ZFHX3: variants seen among roughly 807,000 people sequenced by gnomAD.
ZFHX3 encodes the protein zinc finger homeobox protein 3.
ZFHX3 carries 42 observed loss-of-function variants against 279.1 expected under a neutral mutation model. That is an observed-to-expected ratio of 0.15 (90% CI 0.12 to 0.19). The LOEUF (loss-of-function observed/expected upper bound fraction) is 0.19. Ranked by LOEUF, ZFHX3 falls within the 10% of genes least tolerant of loss-of-function variation. The pLI is 1.00. For missense variants in ZFHX3, 4,981 were observed against 4,754.0 expected (o/e 1.05, Z -1.40); for synonymous variants, 2,293 against 1,957.8 (o/e 1.17, Z -4.52).
chr16:73,291,403 G>A (rs1293951780), intron 4 of ZFHX3, among the ~76,000 whole-genome samples: 1 of 152,220 alleles, frequency 6.6e-6, no homozygotes, highest in Non-Finnish European at 1.5e-5. Context: ...TCTCTGGAAT[G>A]AAGGTTTATT....
chr16:73,077,555 GA>G (rs758871684), intron 8 of ZFHX3, among the ~76,000 whole-genome samples: 3,413 of 139,318 alleles, frequency 0.024, 49 homozygotes, highest in African/African-American at 0.041. Context: ...AATCTGCTTA[GA>G]AAAAAAAAAA....
chr16:73,301,555 T>C (rs766791765), intron 4 of ZFHX3, among the ~76,000 whole-genome samples: 1 of 152,174 alleles, frequency 6.6e-6, no homozygotes, highest in African/African-American at 2.4e-5. Context: ...AAATGTCCTC[T>C]GGACAGGGTT....
intron 3 of ZFHX3, among the ~76,000 whole-genome samples, chr16:73,330,897 G>T (rs79711809): frequency 6.6e-6 from 1 of 152,104 alleles, no homozygotes; most frequent in Non-Finnish European, 1.5e-5. Flanking sequence ...TTCTCTCCAT[G>T]ATGGCCTTGT....
intron 3 of ZFHX3, among the ~76,000 whole-genome samples, chr16:72,894,027 T>G (rs1251629587): frequency 1.3e-5 from 2 of 151,850 alleles, no homozygotes; most frequent in African/African-American, 4.8e-5. Flanking sequence ...TGGGTGCCTG[T>G]AGTCCCAGCT....
At chr16:72,790,232 T>G (rs1419646062) in intron 9 of ZFHX3, 1 of 152,568 alleles carries the variant, frequency 6.6e-6, no homozygotes, top group Non-Finnish European at 1.5e-5. Flanking sequence ...TGGGGTGCAG[T>G]GTGTGCTGGA....
intron 3 of ZFHX3, among the ~76,000 whole-genome samples, chr16:73,434,801 T>C (rs1171805184): frequency 4.6e-5 from 7 of 152,096 alleles, no homozygotes; most frequent in Admixed American, 2.6e-4. Flanking sequence ...GTCCTCTAAG[T>C]GGGTCTGACT....
intron 2 of ZFHX3, among the ~76,000 whole-genome samples, chr16:73,461,963 T>C (rs762517200): frequency 1.3e-5 from 2 of 152,218 alleles, no homozygotes; most frequent in Admixed American, 6.5e-5. Flanking sequence ...TTGAGGAAAA[T>C]TGACATCTTT....
At chr16:73,357,191 A>G (rs915896466) in intron 3 of ZFHX3, among the ~76,000 whole-genome samples, 1 of 152,016 alleles carries the variant, frequency 6.6e-6, no homozygotes, top group Non-Finnish European at 1.5e-5. Context: ...CTAAGAGAAT[A>G]GATCTTAATA....
chr16:73,467,958 C>G (rs528739556), intron 2 of ZFHX3, among the ~76,000 whole-genome samples: 109 of 152,282 alleles, frequency 7.2e-4, no homozygotes, highest in African/African-American at 2.6e-3. Flanking sequence ...TTTATCAGAG[C>G]TCTCCTAAAG....
intron 1 of ZFHX3, among the ~76,000 whole-genome samples, chr16:72,967,650 C>A (rs577045498): frequency 7.6e-4 from 115 of 152,108 alleles, no homozygotes; most frequent in Non-Finnish European, 1.0e-3. Flanking sequence ...GGAGCGGTGG[C>A]TCACGCCTGT....
intron 2 of ZFHX3, among the ~76,000 whole-genome samples, chr16:73,471,575 T>G (rs772838750): frequency 5.3e-5 from 8 of 152,074 alleles, no homozygotes; most frequent in Non-Finnish European, 7.4e-5. Flanking sequence ...CACCTGGCCA[T>G]GAATCTCTTT....
Position 72,787,149 on chromosome 16 carries a change from G to A in ZFHX3, c.*15C>T. The A allele has an allele frequency of 7.1e-7, 1 of 1,406,426 alleles. No individual in the cohort carries two copies. Among genetic ancestry groups the A allele is most frequent in the Non-Finnish European group, 9.3e-7 (1 of 1,070,318 alleles). 87.1% of individuals were successfully genotyped at this position (1,406,426 alleles called of 1,614,324 possible). A position where few individuals can be genotyped will look rare whatever the true frequency, so the allele number is the denominator to read the frequency against. ...GTATTTAAATTCATTTGTTTGTATT[G>A]TTCATCTTCAAAGCTTACAATCTGA... is the stretch of plus-strand genomic sequence containing the variant. On this transcript the variant is annotated 3_prime_UTR_variant, in exon 10 of 10. Coordinates refer to ENST00000268489, the MANE Select transcript of ZFHX3 (RefSeq NM_006885.4).
At chr16:73,458,796 T>C (rs1220893699) in intron 2 of ZFHX3, among the ~76,000 whole-genome samples, 2 of 152,240 alleles carry the variant, frequency 1.3e-5, no homozygotes, top group Non-Finnish European at 2.9e-5. Flanking sequence ...GTCTGCTCTG[T>C]AAACTCTTTT....
chr16:73,498,448 G>A (rs1224166030), intron 2 of ZFHX3, among the ~76,000 whole-genome samples: 3 of 152,142 alleles, frequency 2.0e-5, no homozygotes, highest in African/African-American at 4.8e-5. Flanking sequence ...TTTATTATAT[G>A]TTTGCACACA....
chr16:73,189,512 A>G (rs567413062), intron 5 of ZFHX3, among the ~76,000 whole-genome samples: 1 of 152,300 alleles, frequency 6.6e-6, no homozygotes, highest in Non-Finnish European at 1.5e-5. Flanking sequence ...TTTAATTTCC[A>G]TGGTTCTAAA....
intron 2 of ZFHX3, among the ~76,000 whole-genome samples, chr16:73,634,221 T>C (rs2052506161): frequency 6.6e-6 from 1 of 151,646 alleles, no homozygotes; most frequent in South Asian, 2.1e-4. Context: ...AATTATCATG[T>C]TTTACCAGTG....
rs529728825 is a variant in ZFHX3, at chr16:73,317,302, G to T, written c.-1194+938C>A. On this transcript the variant is annotated intron_variant, in intron 4 of 17. Coordinates refer to the ZFHX3 transcript ENST00000641206. ...GGGTGGGGTGGGGGTGGCGGTGGTGGTGGTTATGGTATTGTTCTGGCTTCA... is the reference window on the plus strand; with the variant it reads ...GGGTGGGGTGGGGGTGGCGGTGGTGTTGGTTATGGTATTGTTCTGGCTTCA... 1.3e-4 allele frequency among the ~76,000 whole-genome samples: 20 copies of T among 151,954 alleles called. No individual in the cohort carries two copies. In the South Asian group the frequency reaches 3.3e-3, roughly 25 times the overall value.
Position 72,958,848 on chromosome 16 carries a change from C to T in ZFHX3, c.1298G>A (p.Gly433Asp). The change falls in exon 2 of 10, where the codon GGC (glycine) becomes GAC (aspartate). Residue 433 changes from glycine to aspartate, a missense_variant. Gly to Asp is a moderately conservative substitution (Grantham distance 94). This residue lies in a region of ZFHX3 where 1,068 missense variants were observed against 935.2 expected (regional missense o/e 1.14). Coordinates refer to ENST00000268489, the MANE Select transcript of ZFHX3 (RefSeq NM_006885.4). ...LASSPTKSSE[G>D]KDSGAAEGEK... ...TCCTTCTGCCGCCCCAGAGTCCTTG[C>T]CCTCTGAGGATTTGGTAGGACTGGA... The T allele has an allele frequency of 6.2e-7, 1 of 1,613,888 alleles. No individual in the cohort carries two copies.
chr16:72,952,389 C>T lies in ZFHX3; in HGVS notation c.2720-1424G>A, dbSNP rs147898052. 2.0e-5 allele frequency among the ~76,000 whole-genome samples: 3 copies of T among 152,330 alleles called. No homozygotes were observed. The East Asian group carries it at 5.8e-4, about 29-fold the overall frequency. On this transcript the variant is annotated intron_variant, in intron 2 of 9. Coordinates refer to ENST00000268489, the MANE Select transcript of ZFHX3 (RefSeq NM_006885.4). The stretch of plus-strand genomic sequence containing the variant: ...CCTGTTCTCTTTCCTGATCCTCTGC[C>T]CTGGGTGACATGTGGGGCTACCCTA...
Sources: allele counts gnomAD v4.1 joint callset (sites outside exome capture counted in the v4.1 genomes callset), GRCh38; gene constraint gnomAD v4.1.1; regional missense constraint gnomAD v4.1.1; transcripts MANE v1.5; gene names NCBI Gene and HGNC (gene_info 2026-07-23, HGNC 2026-07-21).